The following ILRUN variants were observed in gnomAD, a reference collection of about 807,000 sequenced individuals.
ILRUN encodes the protein inflammation and lipid regulator with UBA-like and NBR1-like domains.
Under a neutral mutation model 33.8 loss-of-function variants are expected in ILRUN, and 3 were observed. That is an observed-to-expected ratio of 0.09 (90% confidence interval 0.04 to 0.23). The LOEUF is 0.23. Among genes scored for constraint, ILRUN ranks in the 10% least tolerant of loss-of-function variants. ILRUN has a pLI of 1.00. For missense variants in ILRUN, 210 were observed against 375.1 expected (o/e 0.56, Z 3.64); for synonymous variants, 124 against 138.9 (o/e 0.89, Z 0.75).
intron 3 of ILRUN, among the ~76,000 whole-genome samples, chr6:34,642,168 GAT>G (rs1468674973): frequency 6.6e-6 from 1 of 152,188 alleles, no homozygotes; most frequent in African/African-American, 2.4e-5. Context: ...TTTACAAATG[GAT>G]AACCTGTTTT....
intron 1 of ILRUN, among the ~76,000 whole-genome samples, chr6:34,683,157 C>T (rs762082838): frequency 2.7e-5 from 4 of 149,752 alleles, no homozygotes; most frequent in Non-Finnish European, 5.9e-5. Flanking sequence ...TAAATACACA[C>T]GTGTGTTTAT....
chr6:34,638,316 ATAACATAATATTTTAGAAT>A (rs2127354007), intron 3 of ILRUN, among the ~76,000 whole-genome samples: 1 of 152,372 alleles, frequency 6.6e-6, no homozygotes, highest in East Asian at 1.9e-4. Context: ...CTATCATCTC[ATAACATAATATTTTAGAAT>A]TTCAGATCTC....
At position 34,683,455 on chromosome 6, in the gene ILRUN, T is replaced by C. The variant is rs558344745; in HGVS notation, c.158+12991A>G. ...ATATATATATACATATATATATACA[T>C]ATATATACATATATATACACATATA... On this transcript the variant is annotated intron_variant, in intron 1 of 4. Coordinates refer to ENST00000374023, the MANE Select transcript of ILRUN (RefSeq NM_024294.4). Among the ~76,000 whole-genome samples, 302 of 113,032 alleles carry C rather than the reference T, an allele frequency of 2.7e-3. 10 individuals carry two copies. The highest frequency in any genetic ancestry group is 0.012 in the African/African-American group (272 of 22,256). 74.2% of individuals were successfully genotyped at this position (113,032 alleles called of 152,430 possible).
chr6:34,652,248 A>G (rs377329338), intron 2 of ILRUN, among the ~76,000 whole-genome samples: 1 of 152,262 alleles, frequency 6.6e-6, no homozygotes, highest in Non-Finnish European at 1.5e-5. Context: ...AAAGTAAAGC[A>G]AATTAGACTT....
intron 1 of ILRUN, among the ~76,000 whole-genome samples, chr6:34,661,103 T>C (rs1243207073): frequency 2.0e-5 from 3 of 152,208 alleles, no homozygotes; most frequent in African/African-American, 7.2e-5. Flanking sequence ...TAAGAACTGG[T>C]CCTTCTGTCT....
intron 1 of ILRUN, among the ~76,000 whole-genome samples, chr6:34,671,361 G>C (rs1763114976): frequency 6.6e-6 from 1 of 152,198 alleles, no homozygotes. Context: ...GCTCAAGCCT[G>C]GGTGAGGATC....
At chr6:34,656,917 T>G (rs957929672) in intron 1 of ILRUN, among the ~76,000 whole-genome samples, 1 of 152,210 alleles carries the variant, frequency 6.6e-6, no homozygotes, top group African/African-American at 2.4e-5. Context: ...ACTGCACCTG[T>G]TTGCTTGACT....
chr6:34,597,202 T>A (rs1452661794), intron 4 of ILRUN, among the ~76,000 whole-genome samples: 2 of 152,258 alleles, frequency 1.3e-5, no homozygotes, highest in East Asian at 3.8e-4. Flanking sequence ...TAGAGGATCC[T>A]AGCTGAATCT....
chr6:34,662,167 G>A (rs1392093645), intron 1 of ILRUN, among the ~76,000 whole-genome samples: 5 of 139,994 alleles, frequency 3.6e-5, no homozygotes, highest in Non-Finnish European at 6.1e-5. Flanking sequence ...TTAGCTGGGC[G>A]TGGTGGCAGG....
At chr6:34,616,474 C>T in intron 3 of ILRUN, 1 of 683,186 alleles carries the variant, frequency 1.5e-6, no homozygotes, top group South Asian at 1.8e-5. Context: ...TGAAAGTGGA[C>T]TGAAACATGC....
At chr6:34,663,101 A>G (rs1762922366) in intron 1 of ILRUN, among the ~76,000 whole-genome samples, 1 of 152,080 alleles carries the variant, frequency 6.6e-6, no homozygotes, top group Admixed American at 6.6e-5. Context: ...CTCAAAAAAA[A>G]AGAGTTAAGA....
At chr6:34,619,596 C>T (rs930795769) in intron 3 of ILRUN, among the ~76,000 whole-genome samples, 3 of 152,140 alleles carry the variant, frequency 2.0e-5, no homozygotes, top group African/African-American at 7.2e-5. Context: ...CTGAAGTGAT[C>T]CTCCTGCCTC....
intron 1 of ILRUN, among the ~76,000 whole-genome samples, chr6:34,677,886 C>T (rs1197873983): frequency 1.4e-5 from 2 of 144,612 alleles, no homozygotes; most frequent in Non-Finnish European, 3.0e-5. Flanking sequence ...GAGGTCGAGG[C>T]TGCAGTGAGC....
chr6:34,597,610 C>T (rs2127310360), intron 4 of ILRUN, among the ~76,000 whole-genome samples: 1 of 152,318 alleles, frequency 6.6e-6, no homozygotes, highest in East Asian at 1.9e-4. Flanking sequence ...TGCATAATGG[C>T]TAGTGGATTA....
At chr6:34,655,676 G>T (rs139265022) in intron 1 of ILRUN, among the ~76,000 whole-genome samples, 1 of 152,130 alleles carries the variant, frequency 6.6e-6, no homozygotes, top group Non-Finnish European at 1.5e-5. Flanking sequence ...TTGTATACAT[G>T]CAAGTGTATA....
intron 1 of ILRUN, among the ~76,000 whole-genome samples, chr6:34,676,881 C>T (rs1027841234): frequency 2.0e-4 from 31 of 151,640 alleles, no homozygotes; most frequent in Non-Finnish European, 2.9e-5. Context: ...TTGGTACATA[C>T]TTCTTGGGGG....
Position 34,665,840 on chromosome 6 carries a change from A to C in ILRUN, c.159-11061T>G, listed in dbSNP as rs541893643. On this transcript the variant is annotated intron_variant, in intron 1 of 4. Coordinates refer to ENST00000374023, the MANE Select transcript of ILRUN (RefSeq NM_024294.4). The stretch of plus-strand genomic sequence containing the variant: ...TGCATAGGCTTTAAGAAGAAATGCC[A>C]CACTTTTGCATACACTTTTGATTAA... Among the ~76,000 whole-genome samples the C allele has an allele frequency of 2.0e-5, 3 of 152,294 alleles. No individual in the cohort carries two copies. The South Asian group carries it at 6.2e-4, about 32-fold the overall frequency.
At chr6:34,693,965 C>G (rs1763703530) in intron 1 of ILRUN, among the ~76,000 whole-genome samples, 1 of 152,000 alleles carries the variant, frequency 6.6e-6, no homozygotes, top group Admixed American at 6.6e-5. Context: ...ACTACAGGTG[C>G]ATACCATTAA....
chr6:34,669,725 T>A (rs778882803), intron 1 of ILRUN, among the ~76,000 whole-genome samples: 1 of 152,060 alleles, frequency 6.6e-6, no homozygotes, highest in Non-Finnish European at 1.5e-5. Flanking sequence ...ACAAAACTAA[T>A]TAACATAACA....
Sources: allele counts gnomAD v4.1 joint callset (sites outside exome capture counted in the v4.1 genomes callset), GRCh38; gene constraint gnomAD v4.1.1; transcripts MANE v1.5; gene names NCBI Gene and HGNC (gene_info 2026-07-23, HGNC 2026-07-21).